Variants in GPN1 observed in about 807,000 individuals in gnomAD.
GPN1 encodes the protein ATP(GTP)-binding protein.
A neutral mutation model predicts 55.9 loss-of-function variants in GPN1; 44 were observed. The observed-to-expected ratio is 0.79, with a 90% confidence interval of 0.62 to 1.01. The LOEUF (loss-of-function observed/expected upper bound fraction) is 1.01. GPN1 is among the 50% of genes least tolerant of loss of function. The pLI, the probability that GPN1 is intolerant of heterozygous loss-of-function variation, is 0.00. For missense variants in GPN1, 466 were observed against 462.8 expected (o/e 1.01, Z -0.06); for synonymous variants, 179 against 162.5 (o/e 1.10, Z -0.77).
At chr2:27,649,697 A>G (rs1674432406) in intron 13 of GPN1, among the ~76,000 whole-genome samples, 1 of 152,180 alleles carries the variant, frequency 6.6e-6, no homozygotes, top group Non-Finnish European at 1.5e-5. Flanking sequence ...TGCATGTATC[A>G]GTATGTTCTT....
In GPN1 at chr2:27,643,680, A is replaced by G. The variant is rs1049272939; in HGVS notation, c.931+1161A>G. Among the ~76,000 whole-genome samples, 1 of 152,120 alleles carries G rather than the reference A, an allele frequency of 6.6e-6. No individual in the cohort carries two copies. The highest frequency in any genetic ancestry group is 6.5e-5 in the Admixed American group (1 of 15,270). ...ATTTCATGACTGACATTTTTTAAGCATGTAGGATAGTTATTTTATAGAGCA... is the reference window on the plus strand; with the variant it reads ...ATTTCATGACTGACATTTTTTAAGCGTGTAGGATAGTTATTTTATAGAGCA... On this transcript the variant is annotated intron_variant, in intron 12 of 13. Coordinates refer to ENST00000610189, the MANE Select transcript of GPN1 (RefSeq NM_007266.4). The surrounding 1 kb of genome is among the most constrained non-coding windows in gnomAD (Gnocchi z 4.0).
upstream of GPN1, chr2:27,628,378 T>G: frequency 6.5e-7 from 1 of 1,549,000 alleles, no homozygotes; most frequent in East Asian, 2.4e-5. Flanking sequence ...GAAGCTCCCC[T>G]CCAGTACCTA....
upstream of GPN1, chr2:27,628,935 C>T (rs898850094): frequency 6.6e-6 from 10 of 1,513,244 alleles, no homozygotes; most frequent in Admixed American, 6.9e-5. Flanking sequence ...CCCTGGCAAC[C>T]GCCGCGCCCC....
rs774839303 is a variant in GPN1, at chr2:27,642,943, T to TTATATA, written c.931+435_931+440dup. On this transcript the variant is annotated intron_variant, in intron 12 of 13. Transcript: ENST00000610189. ...AGAAAAAGATAAAGGAAATGTGGTT[T>TTATATA]TATATATATATATATACACACACAC... 4.4e-3 allele frequency among the ~76,000 whole-genome samples: 564 copies of TTATATA among 128,546 alleles called. 5 individuals are homozygous for TTATATA. The highest frequency in any genetic ancestry group is 0.015 in the African/African-American group (531 of 35,474). The allele number at this position is 128,546 out of a possible 152,430, so 84.3% of individuals were successfully genotyped here. A position where few individuals can be genotyped will look rare whatever the true frequency, so the allele number is the denominator to read the frequency against.
At chr2:27,647,771 GTTAC>G (rs1409244176) in intron 12 of GPN1, 61 bp from the exon 13 acceptor site, 2 of 905,688 alleles carry the variant, frequency 2.2e-6, no homozygotes, top group African/African-American at 1.6e-5. Flanking sequence ...TATGATCATA[GTTAC>G]TTAGTGATTC....
At chr2:27,629,399 G>C in intron 1 of GPN1, 2 of 1,551,230 alleles carry the variant, frequency 1.3e-6, no homozygotes, top group South Asian at 2.4e-5. Context: ...AGCTTACCAC[G>C]TTGTACAGGA....
At position 27,632,050 on chromosome 2, in the gene GPN1, A is replaced by T. The variant is rs565837815; in HGVS notation, c.312+150A>T. 9 of 641,554 alleles carry T rather than the reference A, an allele frequency of 1.4e-5. No homozygotes were observed. The Admixed American group carries it at 1.6e-4, about 11-fold the overall frequency. 39.7% of individuals were successfully genotyped at this position (641,554 alleles called of 1,614,324 possible). ...ATTTTGTCAGACAGAGAAGTAGACT[A>T]TGAGAAGGTGATCAGTATGGTCAGA... On this transcript the variant is annotated intron_variant, in intron 4 of 13. Coordinates refer to ENST00000610189, the MANE Select transcript of GPN1 (RefSeq NM_007266.4).
rs775570484 is a variant in GPN1 at position 27,631,821 on chromosome 2, A to G, written c.246-13A>G. On this transcript the variant is annotated splice_polypyrimidine_tract_variant and intron_variant, in intron 3 of 13. Coordinates refer to ENST00000610189, the MANE Select transcript of GPN1 (RefSeq NM_007266.4). ...AATCTATAAGCGATTTCAGTCCTCAACTTGGTGTCTAGATATGGACTTGGA... is the reference window on the plus strand; with the variant it reads ...AATCTATAAGCGATTTCAGTCCTCAGCTTGGTGTCTAGATATGGACTTGGA... The G allele has an allele frequency of 1.3e-5, 20 of 1,526,848 alleles. No individual in the cohort carries two copies. The South Asian group carries it at 2.1e-4, about 16-fold the overall frequency. 94.6% of individuals were successfully genotyped at this position (1,526,848 alleles called of 1,614,324 possible).
intron 12 of GPN1, 32 bp from the exon 13 acceptor site, chr2:27,647,804 A>T: frequency 8.1e-7 from 1 of 1,228,304 alleles, no homozygotes; most frequent in East Asian, 2.3e-5. Context: ...CTTTTTGAGG[A>T]GGCATATCAC....
At chr2:27,635,572 T>G (rs1054908458) in intron 7 of GPN1, among the ~76,000 whole-genome samples, 2 of 152,314 alleles carry the variant, frequency 1.3e-5, no homozygotes, top group South Asian at 2.1e-4. Flanking sequence ...ATCCCTACAC[T>G]TGGGAGGCCA....
intron 5 of GPN1, among the ~76,000 whole-genome samples, chr2:27,633,494 G>A (rs1288606688): frequency 2.6e-5 from 4 of 151,960 alleles, no homozygotes. Context: ...TTGTATTTTT[G>A]GGATGGAGTC....
chr2:27,629,782 C>A (rs1673461460), intron 1 of GPN1, 77 bp from the exon 2 acceptor site: 1 of 809,782 alleles, frequency 1.2e-6, no homozygotes, highest in Non-Finnish European at 2.2e-6. Context: ...ATTCTTAAGG[C>A]ATGGGTGTTA....
At chr2:27,632,437 T>C (rs1673591412) in intron 4 of GPN1, among the ~76,000 whole-genome samples, 196 bp from the exon 5 acceptor site, 2 of 152,204 alleles carry the variant, frequency 1.3e-5, no homozygotes, top group Admixed American at 6.5e-5. Flanking sequence ...CAAGATGGTA[T>C]TGGAGTGCTG....
At position 27,631,816 on chromosome 2, in the gene GPN1, C is replaced by T. The variant is rs772580281; in HGVS notation, c.246-18C>T. The stretch of plus-strand genomic sequence containing the variant: ...AATCTAATCTATAAGCGATTTCAGT[C>T]CTCAACTTGGTGTCTAGATATGGAC... On this transcript the variant is annotated intron_variant, in intron 3 of 13. Transcript: ENST00000610189. 3 of 1,486,074 alleles carry T rather than the reference C, an allele frequency of 2.0e-6. No individual in the cohort carries two copies. The highest frequency in any genetic ancestry group is 2.8e-6 in the Non-Finnish European group (3 of 1,063,138). 92.1% of individuals were successfully genotyped at this position (1,486,074 alleles called of 1,614,324 possible).
intron 12 of GPN1, among the ~76,000 whole-genome samples, chr2:27,644,361 A>G (rs1404787034): frequency 6.6e-6 from 1 of 152,068 alleles, no homozygotes; most frequent in Non-Finnish European, 1.5e-5. Context: ...ATATGTTGCA[A>G]ATGTTTAATA....
chr2:27,631,782 G>C (rs1673561727), intron 3 of GPN1, 52 bp from the exon 4 acceptor site: 5 of 1,030,938 alleles, frequency 4.8e-6, no homozygotes, highest in Non-Finnish European at 6.2e-6. Context: ...GCCTAGGTAT[G>C]AACTTTATAA....
At chr2:27,628,288 G>T, upstream of GPN1, 1 of 1,094,284 alleles carries the variant, frequency 9.1e-7, no homozygotes, top group Non-Finnish European at 1.3e-6. Flanking sequence ...AGACTGGGTG[G>T]TCAGGAGTAG....
upstream of GPN1, chr2:27,628,266 G>A: frequency 1.1e-6 from 1 of 905,640 alleles, no homozygotes; most frequent in South Asian, 1.8e-5. Context: ...AGCTACAAAG[G>A]GTCACAGAAA....
chr2:27,634,424 AT>A (rs749347296), intron 5 of GPN1, among the ~76,000 whole-genome samples: 1 of 152,148 alleles, frequency 6.6e-6, no homozygotes, highest in Non-Finnish European at 1.5e-5. Flanking sequence ...ATTTTAGAAT[AT>A]TTTCATCATC....
Sources: allele counts gnomAD v4.1 joint callset (sites outside exome capture counted in the v4.1 genomes callset), GRCh38; gene constraint gnomAD v4.1.1; non-coding constraint Gnocchi (gnomAD v3.1); transcripts MANE v1.5; gene names NCBI Gene and HGNC (gene_info 2026-07-23, HGNC 2026-07-21).